The following SSUH2 variants were observed in gnomAD, a reference collection of about 807,000 sequenced individuals.
SSUH2 encodes the protein protein SSUH2 homolog.
A neutral mutation model predicts 55.3 loss-of-function variants in SSUH2; 47 were observed. The observed-to-expected ratio is 0.85, with a 90% CI of 0.67 to 1.08. The LOEUF is 1.08. Ranked by LOEUF, SSUH2 falls within the 50% of genes least tolerant of loss-of-function variation. The pLI, the probability that SSUH2 is intolerant of heterozygous loss-of-function variation, is 0.00. For synonymous variants in SSUH2, 212 were observed against 191.5 expected (o/e 1.11, Z -0.89); for missense variants, 535 against 490.7 (o/e 1.09, Z -0.85).
chr3:8,653,400 TA>T (rs1182841215), intron 7 of SSUH2, among the ~76,000 whole-genome samples: 1 of 152,388 alleles, frequency 6.6e-6, no homozygotes, highest in African/African-American at 2.4e-5. Context: ...AATTTACATG[TA>T]AATTTGCTTA....
At chr3:8,633,853 G>T (rs2276800) in intron 3 of SSUH2, 58 bp from the exon 4 acceptor site, 3 of 1,613,022 alleles carry the variant, frequency 1.9e-6, no homozygotes, top group Non-Finnish European at 2.5e-6. Flanking sequence ...GGACTCACGC[G>T]GGCCAGCCAG....
At chr3:8,623,454 C>A in intron 11 of SSUH2, 95 bp downstream of exon 11, 1 of 810,090 alleles carries the variant, frequency 1.2e-6, no homozygotes, top group Non-Finnish European at 2.1e-6. Flanking sequence ...CTCACCTCTA[C>A]GTCCTCATCC....
intron 6 of SSUH2, chr3:8,663,688 ACT>A (rs1360555777): frequency 2.5e-6 from 1 of 395,706 alleles, no homozygotes. Flanking sequence ...TGATTAACTA[ACT>A]CAGCCTCCCC....
intron 3 of SSUH2, chr3:8,634,412 C>G (rs1488217455): frequency 1.5e-6 from 2 of 1,290,854 alleles, no homozygotes; most frequent in Non-Finnish European, 2.0e-6. Context: ...GTCTTTCTGG[C>G]CCCAACACCT....
At chr3:8,620,091 C>A in intron 11 of SSUH2, 77 bp from the exon 12 acceptor site, 2 of 1,507,164 alleles carry the variant, frequency 1.3e-6, no homozygotes, top group Non-Finnish European at 9.1e-7. Context: ...TTCAGTAGCT[C>A]CCTACTGTGT....
chr3:8,648,402 G>A (rs1173362329), upstream of SSUH2, among the ~76,000 whole-genome samples: 3 of 152,160 alleles, frequency 2.0e-5, no homozygotes, highest in Non-Finnish European at 4.4e-5. Flanking sequence ...GTGTAAGTCT[G>A]GCTACCCAAT....
chr3:8,665,135 T>C (rs1419558064), intron 5 of SSUH2, among the ~76,000 whole-genome samples: 2 of 151,886 alleles, frequency 1.3e-5, no homozygotes, highest in Admixed American at 6.6e-5. Flanking sequence ...AAAGGTGACA[T>C]GTTGACTGCA....
At position 8,681,204 on chromosome 3, in the gene SSUH2, C is replaced by T. The variant is rs1253989763; in HGVS notation, c.-1046+687G>A. ...ATGCAAGGCGGGGAATGAGAGCCAG[C>T]CCCTCTTCCCCCCCTGGCTCTCAGG... On this transcript the variant is annotated intron_variant, in intron 1 of 18. Coordinates refer to the SSUH2 transcript ENST00000317371. Among the ~76,000 whole-genome samples, 5 of 149,806 alleles carry T rather than the reference C, an allele frequency of 3.3e-5. 1 individual carries two copies. The highest frequency in any genetic ancestry group is 4.9e-5 in the African/African-American group (2 of 40,834).
intron 2 of SSUH2, chr3:8,677,531 A>C (rs1165115175): frequency 1.3e-5 from 2 of 150,428 alleles, no homozygotes; most frequent in African/African-American, 2.4e-5. Flanking sequence ...TAAAGGAAAA[A>C]CTTCTGGCAG....
intron 1 of SSUH2, among the ~76,000 whole-genome samples, chr3:8,637,223 G>T (rs955877795): frequency 3.3e-4 from 50 of 152,118 alleles, no homozygotes; most frequent in Non-Finnish European, 2.9e-4. Context: ...AACTTATGAT[G>T]GGTGTATTGG....
intron 3 of SSUH2, chr3:8,672,117 T>A (rs193130037): frequency 2.0e-5 from 3 of 151,788 alleles, no homozygotes; most frequent in Admixed American, 1.3e-4. Flanking sequence ...CACGTTGAAA[T>A]TAGGAACAGT....
At position 8,619,913 on chromosome 3, in the gene SSUH2, C is replaced by T. The variant is rs751847143; in HGVS notation, c.1083G>A (p.Ala361=). 30 of 1,614,064 alleles carry T rather than the reference C, an allele frequency of 1.9e-5. No homozygotes were observed. The highest frequency in any genetic ancestry group is 5.5e-5 in the South Asian group (5 of 91,086). The change falls in exon 12 of 12, where the codon GCG becomes GCA. Residue 361 remains alanine (A), a synonymous_variant. Transcript: ENST00000544814. ...YIYGTDHQVY[A]VDYPERYCCG... is the part of the protein sequence containing the mutation. ...AGCAATACCGCTCAGGATAGTCCACCGCATACACCTGGTGGTCAGTGCCAT... is the reference window on the plus strand; with the variant it reads ...AGCAATACCGCTCAGGATAGTCCACTGCATACACCTGGTGGTCAGTGCCAT...
intron 4 of SSUH2, among the ~76,000 whole-genome samples, chr3:8,632,899 T>A (rs549741673): frequency 2.0e-5 from 3 of 152,320 alleles, no homozygotes; most frequent in East Asian, 3.9e-4. Flanking sequence ...CTTGTGGAAG[T>A]ATGAAGTGAG....
chr3:8,627,130 T>C (rs1424969778), intron 8 of SSUH2: 1 of 152,246 alleles, frequency 6.6e-6, no homozygotes, highest in Non-Finnish European at 1.5e-5. Flanking sequence ...ACCTTGAGTA[T>C]TTTTACTCCT....
Position 8,619,890 on chromosome 3 carries a change from CA to C in SSUH2, c.1105del (p.Cys369AlafsTer75). On this transcript the variant is annotated frameshift_variant, in exon 12 of 12. Coordinates refer to ENST00000544814, the MANE Select transcript of SSUH2 (RefSeq NM_001256748.3). LOFTEE classifies it high-confidence loss of function. ...VYAVDYPERYCCGCTIV is the reference protein window; with the variant it reads ...VYAVDYPERYXCGCTIV Reference sequence around the variant, plus strand: ...ATGTCACACGATGGTACAGCCACAGCAATACCGCTCAGGATAGTCCACCGCA... The same window carrying C: ...ATGTCACACGATGGTACAGCCACAGCATACCGCTCAGGATAGTCCACCGCA... The C allele has an allele frequency of 1.9e-6, 3 of 1,614,052 alleles. No individual in the cohort carries two copies. Among genetic ancestry groups the C allele is most frequent in the Non-Finnish European group, 2.5e-6 (3 of 1,179,992 alleles).
intron 3 of SSUH2, among the ~76,000 whole-genome samples, chr3:8,676,380 C>T (rs1282120165): frequency 6.6e-6 from 1 of 151,480 alleles, no homozygotes; most frequent in Non-Finnish European, 1.5e-5. Flanking sequence ...GGGGGCGAGT[C>T]CACCTTCTGT....
At chr3:8,680,143 CGAGGCCGGTGGCCT>C (rs1241874106) in intron 1 of SSUH2, among the ~76,000 whole-genome samples, 1 of 152,164 alleles carries the variant, frequency 6.6e-6, no homozygotes, top group African/African-American at 2.4e-5. Context: ...GGACCCTGGC[CGAGGCCGGTGGCCT>C]ACGTCTCTAA....
rs374227682 is a variant in SSUH2 at position 8,625,491 on chromosome 3, A to T, written c.873+51T>A. On this transcript the variant is annotated intron_variant, in intron 10 of 11. Transcript: ENST00000544814. ...CAGCTAGCAGCCCCAGGCCCACGAGAGCAGAGGAGGAACCCAGCTTCCTTT... is the reference window on the plus strand; with the variant it reads ...CAGCTAGCAGCCCCAGGCCCACGAGTGCAGAGGAGGAACCCAGCTTCCTTT... The T allele has an allele frequency of 1.7e-5, 20 of 1,169,932 alleles. No individual in the cohort carries two copies. The African/African-American group carries it at 2.9e-4, about 17-fold the overall frequency. 72.5% of individuals were successfully genotyped at this position (1,169,932 alleles called of 1,614,324 possible).
At chr3:8,663,458 T>C (rs1403476228) in intron 6 of SSUH2, among the ~76,000 whole-genome samples, 1 of 152,200 alleles carries the variant, frequency 6.6e-6, no homozygotes, top group African/African-American at 2.4e-5. Flanking sequence ...TCCCTGATAG[T>C]TTCATCAGGG....
Sources: gnomAD v4.1 joint callset for allele counts (sites outside exome capture counted in the v4.1 genomes callset) on GRCh38, gnomAD v4.1.1 for gene constraint, MANE v1.5 for transcripts, NCBI Gene and HGNC (gene_info 2026-07-23, HGNC 2026-07-21) for gene names.